The following ANXA2 variants were observed in gnomAD, a reference collection of about 807,000 sequenced individuals.
ANXA2 encodes annexin A2.
Under a neutral mutation model 47.3 loss-of-function variants are expected in ANXA2, and 28 were observed. That is an observed-to-expected ratio of 0.59 (90% confidence interval 0.44 to 0.81). The LOEUF (loss-of-function observed/expected upper bound fraction) is 0.81. ANXA2 is among the 40% of genes least tolerant of loss of function. ANXA2 has a pLI of 0.00. For synonymous variants in ANXA2, 172 were observed against 155.5 expected (o/e 1.11, Z -0.79); for missense variants, 384 against 414.3 (o/e 0.93, Z 0.64).
intron 5 of ANXA2, among the ~76,000 whole-genome samples, chr15:60,359,904 G>A (rs369821596): frequency 5.9e-5 from 9 of 152,324 alleles, no homozygotes; most frequent in Admixed American, 3.9e-4. Context: ...TAAGAAAAGG[G>A]TCCAAATGTG....
intron 2 of ANXA2, chr15:60,384,005 A>T (rs1186206908): frequency 6.6e-6 from 1 of 152,236 alleles, no homozygotes; most frequent in Admixed American, 6.5e-5. Flanking sequence ...TTGGCCAAAT[A>T]TTAAATCCAG....
chr15:60,381,012 T>A (rs1298279981), intron 3 of ANXA2, among the ~76,000 whole-genome samples: 1 of 152,024 alleles, frequency 6.6e-6, no homozygotes, highest in East Asian at 1.9e-4. Flanking sequence ...CTCTACTTCC[T>A]GTCTCTGGAA....
rs1178300003 is a variant in ANXA2, at chr15:60,367,402, G to GGT, written c.149-2880_149-2879insAC. Among the ~76,000 whole-genome samples, 59 of 63,366 alleles carry GGT rather than the reference G, an allele frequency of 9.3e-4. 5 individuals carry two copies. Among genetic ancestry groups the GGT allele is most frequent in the African/African-American group, 4.2e-3 (54 of 12,736 alleles). 41.6% of individuals were successfully genotyped at this position (63,366 alleles called of 152,430 possible). On this transcript the variant is annotated intron_variant, in intron 3 of 12. Coordinates refer to ENST00000451270, the MANE Select transcript of ANXA2 (RefSeq NM_004039.3). Reference sequence around the variant, plus strand: ...CGGTCCGGGAGGGAGGCGGGGGGGGGTCGGCCAGCCGCCCCGTCCGGGAGG... The same window carrying GGT: ...CGGTCCGGGAGGGAGGCGGGGGGGGGGTTCGGCCAGCCGCCCCGTCCGGGAGG...
At chr15:60,353,623 C>A (rs187563224) in intron 8 of ANXA2, among the ~76,000 whole-genome samples, 1 of 152,188 alleles carries the variant, frequency 6.6e-6, no homozygotes, top group Non-Finnish European at 1.5e-5. Context: ...TTCCTCCCTT[C>A]CAAAGGAAGA....
intron 3 of ANXA2, among the ~76,000 whole-genome samples, chr15:60,370,665 A>G (rs1300784983): frequency 6.6e-6 from 1 of 152,158 alleles, no homozygotes; most frequent in East Asian, 1.9e-4. Flanking sequence ...CATCATCAAC[A>G]ATGCACAACC....
At chr15:60,393,196 C>A in intron 1 of ANXA2, 1 of 1,195,368 alleles carries the variant, frequency 8.4e-7, no homozygotes, top group Admixed American at 3.1e-5. Context: ...CTTGTCTCTT[C>A]TGTGGCCTGA....
intron 1 of ANXA2, among the ~76,000 whole-genome samples, chr15:60,388,776 C>G (rs1566949965): frequency 6.9e-6 from 1 of 145,672 alleles, no homozygotes; most frequent in Non-Finnish European, 1.5e-5. Flanking sequence ...GTTTCTCTCT[C>G]TGTTACCCAG....
intron 10 of ANXA2, 58 bp from the exon 11 acceptor site, chr15:60,351,309 TGAGA>T: frequency 1.3e-6 from 2 of 1,546,170 alleles, no homozygotes; most frequent in South Asian, 1.1e-5. Flanking sequence ...CCTCTACCAA[TGAGA>T]GAGGATGCCC....
At chr15:60,378,542 A>T (rs2062811671) in intron 3 of ANXA2, among the ~76,000 whole-genome samples, 1 of 152,146 alleles carries the variant, frequency 6.6e-6, no homozygotes, top group African/African-American at 2.4e-5. Flanking sequence ...AGCTCTTACG[A>T]ATATCATATT....
At chr15:60,384,170 G>A (rs992295463) in intron 2 of ANXA2, 4 of 152,198 alleles carry the variant, frequency 2.6e-5, no homozygotes, top group African/African-American at 7.2e-5. Context: ...TGTTTGCTAT[G>A]GTAGCTATAA....
At chr15:60,369,346 A>G (rs954453738) in intron 3 of ANXA2, among the ~76,000 whole-genome samples, 2 of 152,206 alleles carry the variant, frequency 1.3e-5, no homozygotes, top group African/African-American at 4.8e-5. Context: ...CTAGGTTTCT[A>G]TTAGGAAAAC....
intron 6 of ANXA2, 88 bp downstream of exon 6, chr15:60,357,058 A>G: frequency 1.7e-6 from 2 of 1,210,698 alleles, no homozygotes; most frequent in South Asian, 2.5e-5. Context: ...TAATGCAGGC[A>G]TCTTAGCCCG....
At chr15:60,378,108 A>G (rs961265605) in intron 3 of ANXA2, among the ~76,000 whole-genome samples, 7 of 149,818 alleles carry the variant, frequency 4.7e-5, no homozygotes, top group Admixed American at 4.0e-4. Context: ...CCTCAAAAAG[A>G]AAAAAAAAAT....
At position 60,349,210 on chromosome 15, in the gene ANXA2, T is replaced by A; in HGVS notation, c.838-13A>T. On this transcript the variant is annotated splice_polypyrimidine_tract_variant and intron_variant, in intron 11 of 12. Coordinates refer to ENST00000451270, the MANE Select transcript of ANXA2 (RefSeq NM_004039.3). ...GCGTCCCCTTGCCCTGAAAATCAAGTTGATATTTGTTACATTCGCTGAGAA... is the reference window on the plus strand; with the variant it reads ...GCGTCCCCTTGCCCTGAAAATCAAGATGATATTTGTTACATTCGCTGAGAA... 6.2e-7 allele frequency: 1 copy of A among 1,613,526 alleles called. No individual in the cohort carries two copies. The highest frequency in any genetic ancestry group is 8.5e-7 in the Non-Finnish European group (1 of 1,179,570).
At position 60,364,600 on chromosome 15, in the gene ANXA2, C is replaced by G. The variant is rs2140842654; in HGVS notation, c.149-77G>C. 5 of 1,061,454 alleles carry G rather than the reference C, an allele frequency of 4.7e-6. No homozygotes were observed. The South Asian group carries it at 6.2e-5, about 13-fold the overall frequency. 65.8% of individuals were successfully genotyped at this position (1,061,454 alleles called of 1,614,324 possible). ...GCTTACATAGAAGGTGTCAAGCAGA[C>G]TTTTTCAAACTGAAATTTATATACT... On this transcript the variant is annotated intron_variant, in intron 3 of 12. Transcript: ENST00000451270.
Position 60,397,986 on chromosome 15 carries a change from C to G in ANXA2, c.-55G>C, listed in dbSNP as rs1038509445. On this transcript the variant is annotated 5_prime_UTR_variant, in exon 1 of 13. Coordinates refer to ENST00000451270, the MANE Select transcript of ANXA2 (RefSeq NM_004039.3). ...GCTGAGAGCGTCCCCAAATGCTGAG[C>G]AGAGCCGGCTGGCCTGGGTGGGGCT... The G allele has an allele frequency of 6.6e-5, 80 of 1,216,362 alleles. 1 individual carries two copies. The Middle Eastern group carries it at 1.3e-3, about 20-fold the overall frequency. The allele number at this position is 1,216,362 out of a possible 1,614,324, so 75.3% of individuals were successfully genotyped here. A position where few individuals can be genotyped will look rare whatever the true frequency, so the allele number is the denominator to read the frequency against.
At chr15:60,350,688 T>C (rs1895968964) in intron 11 of ANXA2, among the ~76,000 whole-genome samples, 1 of 152,156 alleles carries the variant, frequency 6.6e-6, no homozygotes, top group Admixed American at 6.5e-5. Context: ...CTTTGGGGTC[T>C]GATAGACCCA....
At chr15:60,369,297 C>T (rs1307283080) in intron 3 of ANXA2, among the ~76,000 whole-genome samples, 1 of 152,226 alleles carries the variant, frequency 6.6e-6, no homozygotes, top group African/African-American at 2.4e-5. Flanking sequence ...TTCGCTTGCT[C>T]GTTTGCTCCC....
intron 3 of ANXA2, among the ~76,000 whole-genome samples, chr15:60,378,083 C>A (rs547085567): frequency 4.6e-5 from 7 of 151,948 alleles, no homozygotes; most frequent in Admixed American, 4.6e-4. Flanking sequence ...GCCTGGGCAA[C>A]AGAGTGAGAC....
Sources: allele counts gnomAD v4.1 joint callset (sites outside exome capture counted in the v4.1 genomes callset), GRCh38; gene constraint gnomAD v4.1.1; transcripts MANE v1.5; gene names NCBI Gene and HGNC (gene_info 2026-07-23, HGNC 2026-07-21).